Variants in SLC5A4 observed in about 807,000 individuals in gnomAD.
The protein encoded by SLC5A4 is probable glucose sensor protein SLC5A4.
SLC5A4 carries 55 observed loss-of-function variants against 70.3 expected under a neutral mutation model. The observed-to-expected ratio is 0.78, with a 90% CI of 0.63 to 0.98. SLC5A4 has a LOEUF of 0.98. SLC5A4 is among the 50% of genes least tolerant of loss of function. The pLI is 0.00. For synonymous variants in SLC5A4, 268 were observed against 305.7 expected, an observed-to-expected ratio of 0.88 and a Z score of 1.29; for missense variants, 735 against 839.2, an observed-to-expected ratio of 0.88 and a Z score of 1.53.
intron 6 of SLC5A4, among the ~76,000 whole-genome samples, chr22:32,238,011 C>T (rs1926162565): frequency 1.3e-5 from 2 of 152,144 alleles, no homozygotes; most frequent in Admixed American, 6.5e-5. Flanking sequence ...TTATGCCAAA[C>T]CCTAACAAAA....
the SLC5A4 span, among the ~76,000 whole-genome samples, chr22:32,311,218 G>A: frequency 3.3e-3 from 500 of 152,240 alleles, 3 homozygotes; most frequent in African/African-American, 0.011. Flanking sequence ...CTGTATTCCC[G>A]CCCCAGCTAG....
In SLC5A4 at chr22:32,233,004, C is replaced by T. The variant is rs1049684063; in HGVS notation, c.916G>A (p.Asp306Asn). ...CAAGCGGCCTTCACGTGAGACATGT[C>T]CTTGCCACACAGGCAGCGCTGCACA... Reference protein sequence around the residue: ...VIVQRCLCGKDMSHVKAACIM... With the variant: ...VIVQRCLCGKNMSHVKAACIM... Residue 306 changes from aspartate (D) to asparagine (N), a missense_variant, in exon 9 of 15, where the codon GAC becomes AAC. Transcript: ENST00000266086. The T allele has an allele frequency of 2.5e-6, 4 of 1,614,122 alleles. No homozygotes were observed. In the South Asian group the frequency reaches 3.3e-5, roughly 13 times the overall value.
chr22:32,224,209 T>C lies in SLC5A4; in HGVS notation c.1665+58A>G, dbSNP rs112639783. ...TGCTGGGATTACAGGCGTGAGCCACTGCGCCCGGCCAAGAACTCTTATTTA... is the reference window on the plus strand; with the variant it reads ...TGCTGGGATTACAGGCGTGAGCCACCGCGCCCGGCCAAGAACTCTTATTTA... On this transcript the variant is annotated intron_variant, in intron 13 of 14. Coordinates refer to ENST00000266086, the MANE Select transcript of SLC5A4 (RefSeq NM_014227.3). The C allele has an allele frequency of 1.9e-4, 267 of 1,383,860 alleles. 1 individual carries two copies. Among genetic ancestry groups the C allele is most frequent in the East Asian group, 1.5e-3 (62 of 41,382 alleles). The allele number at this position is 1,383,860 out of a possible 1,614,324, so 85.7% of individuals were successfully genotyped here.
At chr22:32,246,187 G>A (rs978235424) in intron 5 of SLC5A4, among the ~76,000 whole-genome samples, 8 of 152,176 alleles carry the variant, frequency 5.3e-5, no homozygotes, top group African/African-American at 7.2e-5. Context: ...GTGAACTCCC[G>A]TGGCTCAAGA....
chr22:32,320,705 A>T, the SLC5A4 span, among the ~76,000 whole-genome samples: 1 of 151,522 alleles, frequency 6.6e-6, no homozygotes, highest in East Asian at 2.0e-4. Context: ...CTTTCCGCTC[A>T]ATTTTTCTGT....
chr22:32,310,214 G>C, the SLC5A4 span, among the ~76,000 whole-genome samples: 75 of 152,268 alleles, frequency 4.9e-4, 1 homozygote, highest in Admixed American at 1.3e-3. Flanking sequence ...AAGGCCACCA[G>C]TTCCTTTTTG....
chr22:32,219,984 A>C (rs950580323), intron 14 of SLC5A4, among the ~76,000 whole-genome samples: 29 of 151,896 alleles, frequency 1.9e-4, no homozygotes, highest in African/African-American at 6.8e-4. Flanking sequence ...GGAAACTCTA[A>C]ATAGTTCTAT....
At chr22:32,323,897 C>T in the SLC5A4 span, among the ~76,000 whole-genome samples, 11 of 149,364 alleles carry the variant, frequency 7.4e-5, no homozygotes, top group Non-Finnish European at 1.1e-4. Context: ...CTGCTGCAGG[C>T]TGATATGTTA....
chr22:32,269,380 A>G, the SLC5A4 span: 1 of 434,174 alleles, frequency 2.3e-6, no homozygotes, highest in Non-Finnish European at 4.4e-6. This position sits in a 1 kb window ranked among gnomAD's most constrained non-coding sequence, Gnocchi z 4.1. Context: ...TGTCCTGTAG[A>G]AGCTACCTCA....
chr22:32,241,020 A>C (rs1926478905), intron 5 of SLC5A4, among the ~76,000 whole-genome samples: 1 of 152,118 alleles, frequency 6.6e-6, no homozygotes, highest in Admixed American at 6.5e-5. Flanking sequence ...AAACCAACAA[A>C]ATTAGATGAC....
chr22:32,247,460 AC>A lies in SLC5A4; in HGVS notation c.427del (p.Val143SerfsTer15), dbSNP rs370994036. On this transcript the variant is annotated frameshift_variant, in exon 5 of 15. Transcript: ENST00000266086. LOFTEE classifies it high-confidence loss of function. ...GAAGAGGGAGAGGATGGAGAGGTAGACCTGGAGTCGCTCCCCACCAAACCGC... is the reference window on the plus strand; with the variant it reads ...GAAGAGGGAGAGGATGGAGAGGTAGACTGGAGTCGCTCCCCACCAAACCGC... ...KKRFGGERLQVYLSILSLFIC... is the reference protein window; with the variant it reads ...KKRFGGERLQXYLSILSLFIC... The A allele has an allele frequency of 8.1e-3, 13,072 of 1,613,476 alleles. 65 individuals carry two copies. The highest frequency in any genetic ancestry group is 0.011 in the Middle Eastern group (64 of 6,062).
chr22:32,235,272 C>A (rs1925997119), intron 7 of SLC5A4, among the ~76,000 whole-genome samples, 179 bp from the exon 8 acceptor site: 1 of 152,120 alleles, frequency 6.6e-6, no homozygotes, highest in African/African-American at 2.4e-5. Context: ...GCCATGCTAC[C>A]AGATTTACTT....
At chr22:32,333,784 CACACCATGCCACACAGATCCACACA>C in the SLC5A4 span, among the ~76,000 whole-genome samples, 1 of 150,600 alleles carries the variant, frequency 6.6e-6, no homozygotes, top group African/African-American at 2.5e-5. Flanking sequence ...CATAAACACA[CACACCATGCCACACAGATCCACACA>C]ATATCACACA....
chr22:32,295,137 A>G, the SLC5A4 span, among the ~76,000 whole-genome samples: 1 of 107,860 alleles, frequency 9.3e-6, no homozygotes, highest in Admixed American at 1.0e-4. Context: ...ATGTGCATGT[A>G]TCTTTATAGC....
the SLC5A4 span, among the ~76,000 whole-genome samples, chr22:32,292,696 TATAAC>T: frequency 6.6e-5 from 10 of 152,176 alleles, no homozygotes; most frequent in Admixed American, 2.0e-4. Context: ...AATTATACAG[TATAAC>T]ATAACTTTTT....
intron 5 of SLC5A4, among the ~76,000 whole-genome samples, chr22:32,242,691 A>G (rs1926607338): frequency 6.6e-6 from 1 of 152,200 alleles, no homozygotes; most frequent in Non-Finnish European, 1.5e-5. Flanking sequence ...CCTGGGCGAC[A>G]GAGTGAGACT....
chr22:32,351,764 G>A, the SLC5A4 span, among the ~76,000 whole-genome samples: 2 of 87,968 alleles, frequency 2.3e-5, no homozygotes, highest in African/African-American at 4.1e-5. Flanking sequence ...GGGGGTGGGC[G>A]GGTGGAATAC....
At chr22:32,331,239 T>C in the SLC5A4 span, among the ~76,000 whole-genome samples, 16,843 of 150,624 alleles carry the variant, frequency 0.11, 1,320 homozygotes, top group Non-Finnish European at 0.17. Flanking sequence ...TGTGTGTGTG[T>C]TGGGGCACCA....
At chr22:32,317,337 CAAA>C in the SLC5A4 span, among the ~76,000 whole-genome samples, 2 of 151,616 alleles carry the variant, frequency 1.3e-5, no homozygotes, top group African/African-American at 4.9e-5. Flanking sequence ...TTGCCCAACT[CAAA>C]AAGAAAAGAA....
Sources: allele counts gnomAD v4.1 joint callset (sites outside exome capture counted in the v4.1 genomes callset), GRCh38; gene constraint gnomAD v4.1.1; non-coding constraint Gnocchi (gnomAD v3.1); transcripts MANE v1.5; gene names NCBI Gene and HGNC (gene_info 2026-07-23, HGNC 2026-07-21).